The following NTSR1 variants were observed in gnomAD, a reference collection of about 807,000 sequenced individuals.
The protein encoded by NTSR1 is neurotensin receptor type 1.
In NTSR1, 29 loss-of-function variants were observed where a neutral mutation model predicts 31.2. The ratio of observed to expected loss-of-function variants is 0.93; its 90% CI spans 0.69 to 1.27. NTSR1 has a LOEUF of 1.27. Ranked by LOEUF, NTSR1 falls within the 50% of genes most tolerant of loss-of-function variation. NTSR1 has a pLI of 0.00. For synonymous variants in NTSR1, 282 were observed against 269.9 expected (o/e 1.04, Z -0.44); for missense variants, 697 against 595.4 (o/e 1.17, Z -1.78).
At chr20:62,726,483 C>T (rs1346572274) in intron 1 of NTSR1, among the ~76,000 whole-genome samples, 1 of 152,200 alleles carries the variant, frequency 6.6e-6, no homozygotes, top group Non-Finnish European at 1.5e-5. Context: ...GGCATCCCCA[C>T]TGCCTGCCCA....
chr20:62,755,812 A>C (rs1205061259), intron 2 of NTSR1, among the ~76,000 whole-genome samples: 2 of 12,756 alleles, frequency 1.6e-4, no homozygotes, highest in Non-Finnish European at 1.4e-4. Flanking sequence ...CCCTTCAGCC[A>C]TCCTCCCTCC....
intron 1 of NTSR1, among the ~76,000 whole-genome samples, chr20:62,748,951 C>T (rs980060577): frequency 1.6e-4 from 25 of 152,120 alleles, no homozygotes; most frequent in African/African-American, 5.8e-4. Flanking sequence ...TTTCACCAGT[C>T]GCATCCCCTG....
intron 1 of NTSR1, among the ~76,000 whole-genome samples, chr20:62,730,537 G>C (rs933316237): frequency 1.3e-5 from 2 of 152,218 alleles, no homozygotes. Flanking sequence ...TATGAAGAAG[G>C]CTGCTATAAA....
At chr20:62,752,412 A>AC (rs374331326) in intron 1 of NTSR1, among the ~76,000 whole-genome samples, 18 of 124,546 alleles carry the variant, frequency 1.4e-4, no homozygotes, top group African/African-American at 3.8e-4. Context: ...CATTCCCCTC[A>AC]CCCCCCAATC....
At position 62,760,477 on chromosome 20, in the gene NTSR1, T is replaced by G; in HGVS notation, c.*210T>G. Reference sequence around the variant, plus strand: ...CCTGTCCCCAACTCCTCCCCACCCCTCCCCCATCTCCTCTTTGAAAGCCAG... The same window carrying G: ...CCTGTCCCCAACTCCTCCCCACCCCGCCCCCATCTCCTCTTTGAAAGCCAG... On this transcript the variant is annotated 3_prime_UTR_variant, in exon 4 of 4. Transcript: ENST00000370501. 1.3e-5 allele frequency: 5 copies of G among 393,756 alleles called. No homozygotes were observed. Among genetic ancestry groups the G allele is most frequent in the Non-Finnish European group, 2.1e-5 (5 of 235,768 alleles). 24.4% of individuals were successfully genotyped at this position (393,756 alleles called of 1,614,324 possible).
intron 1 of NTSR1, among the ~76,000 whole-genome samples, chr20:62,739,584 C>T (rs1017065441): frequency 1.1e-4 from 16 of 152,354 alleles, no homozygotes; most frequent in African/African-American, 3.6e-4. Flanking sequence ...CGGCCTCTTC[C>T]GGTGGGTGAG....
At chr20:62,754,969 G>T (rs1285136990) in intron 2 of NTSR1, 83 bp downstream of exon 2, 1 of 1,362,672 alleles carries the variant, frequency 7.3e-7, no homozygotes, top group Non-Finnish European at 9.9e-7. Flanking sequence ...CCCAAGCCTG[G>T]GCAAGGTTTA....
At chr20:62,749,751 T>C (rs1989361028) in intron 1 of NTSR1, among the ~76,000 whole-genome samples, 1 of 152,144 alleles carries the variant, frequency 6.6e-6, no homozygotes, top group African/African-American at 2.4e-5. Flanking sequence ...GAGCTATCAC[T>C]GTACACCTGT....
rs952491787 is a variant in NTSR1, at chr20:62,733,444, C to T, written c.715-21241C>T. 1.9e-4 allele frequency among the ~76,000 whole-genome samples: 29 copies of T among 152,148 alleles called. No homozygotes were observed. Among genetic ancestry groups the T allele is most frequent in the Admixed American group, 7.8e-4 (12 of 15,288 alleles). ...TTGGGCAGGGAGCCACTGGCAGCTC[C>T]CCAGTGGGAATCGTGCCTTCTAGTC... is the stretch of plus-strand genomic sequence containing the variant. On this transcript the variant is annotated intron_variant, in intron 1 of 3. Transcript: ENST00000370501. The surrounding 1 kb of genome is among the most constrained non-coding windows in gnomAD (Gnocchi z 5.2).
intron 1 of NTSR1, among the ~76,000 whole-genome samples, chr20:62,730,551 A>G (rs1490965128): frequency 6.6e-6 from 1 of 152,232 alleles, no homozygotes; most frequent in African/African-American, 2.4e-5. Context: ...CTATAAACAT[A>G]CATGTGCAGG....
chr20:62,732,418 G>A lies in NTSR1; in HGVS notation c.715-22267G>A, dbSNP rs1989015438. On this transcript the variant is annotated intron_variant, in intron 1 of 3. Coordinates refer to ENST00000370501, the MANE Select transcript of NTSR1 (RefSeq NM_002531.3). The surrounding 1 kb of genome is among the most constrained non-coding windows in gnomAD (Gnocchi z 4.0). ...TGTTGGGTTTTGGAAAATAGTTCCT[G>A]TTGCCATGATGGATTTCGATAATCT... 1 of 152,242 alleles carries A rather than the reference G, an allele frequency of 6.6e-6. No homozygotes were observed. Among genetic ancestry groups the A allele is most frequent in the East Asian group, 1.9e-4 (1 of 5,196 alleles). The allele number at this position is 152,242 out of a possible 1,614,324, so 9.4% of individuals were successfully genotyped here. A position where few individuals can be genotyped will look rare whatever the true frequency, so the allele number is the denominator to read the frequency against.
At chr20:62,724,942 G>A (rs992447226) in intron 1 of NTSR1, among the ~76,000 whole-genome samples, 1 of 152,110 alleles carries the variant, frequency 6.6e-6, no homozygotes, top group Non-Finnish European at 1.5e-5. Context: ...GGCCCACTCC[G>A]ATCCAGGATG....
In NTSR1 at chr20:62,745,024, C is replaced by T. The variant is rs544303410; in HGVS notation, c.715-9661C>T. ...CCACCACGGCTGTCACAGCAGACAC[C>T]CCTGTCTCCCACCATGACCTTCTGC... On this transcript the variant is annotated intron_variant, in intron 1 of 3. Coordinates refer to ENST00000370501, the MANE Select transcript of NTSR1 (RefSeq NM_002531.3). The surrounding 1 kb of genome is among the most constrained non-coding windows in gnomAD (Gnocchi z 4.1). Among the ~76,000 whole-genome samples the T allele has an allele frequency of 2.0e-5, 3 of 152,308 alleles. No homozygotes were observed. The East Asian group carries it at 5.8e-4, about 29-fold the overall frequency.
intron 2 of NTSR1, among the ~76,000 whole-genome samples, chr20:62,755,322 T>C (rs1401702725): frequency 1.0e-5 from 1 of 98,926 alleles, no homozygotes; most frequent in Non-Finnish European, 2.1e-5. Flanking sequence ...CCTCCCTTCC[T>C]TCCTCCCTCC....
At position 62,762,318 on chromosome 20, in the gene NTSR1, A is replaced by C. The variant is rs1989639671; in HGVS notation, c.*2051A>C. 1 of 152,224 alleles carries C rather than the reference A, an allele frequency of 6.6e-6. No homozygotes were observed. Among genetic ancestry groups the C allele is most frequent in the Admixed American group, 6.5e-5 (1 of 15,290 alleles). 9.4% of individuals were successfully genotyped at this position (152,224 alleles called of 1,614,324 possible). On this transcript the variant is annotated 3_prime_UTR_variant, in exon 4 of 4. Coordinates refer to ENST00000370501, the MANE Select transcript of NTSR1 (RefSeq NM_002531.3). ...TCTCAGCTGGATGAGACTGTCCTGG[A>C]GGATCCACCCCGGAACAGACAGAAT...
rs1988569163 is a variant in NTSR1 at position 62,709,828 on chromosome 20, G to A, written c.621G>A (p.Met207Ile). 6.2e-7 allele frequency: 1 copy of A among 1,612,336 alleles called. No homozygotes were observed. The highest frequency in any genetic ancestry group is 8.5e-7 in the Non-Finnish European group (1 of 1,179,662). ...TGGCGGTGCCTATGCTGTTCACCAT[G>A]GGCGAGCAGAACCGCAGCGCCGACG... Reference protein sequence around the residue: ...ALLAVPMLFTMGEQNRSADGQ... With the variant: ...ALLAVPMLFTIGEQNRSADGQ... Residue 207 changes from methionine to isoleucine, a missense_variant, in exon 1 of 4, where the codon ATG (methionine) becomes ATA (isoleucine). Met to Ile is a conservative substitution (Grantham distance 10, BLOSUM62 1). Coordinates refer to ENST00000370501, the MANE Select transcript of NTSR1 (RefSeq NM_002531.3).
intron 1 of NTSR1, among the ~76,000 whole-genome samples, chr20:62,722,202 CTTAGTTGAGTAAACAACT>C (rs1280251955): frequency 6.6e-6 from 1 of 152,172 alleles, no homozygotes; most frequent in Non-Finnish European, 1.5e-5. Flanking sequence ...TGGTTTCATG[CTTAGTTGAGTAAACAACT>C]ACGGAAAGCC....
rs1026977673 is a variant in NTSR1 at position 62,742,582 on chromosome 20, T to G, written c.715-12103T>G. Among the ~76,000 whole-genome samples, 2 of 149,500 alleles carry G rather than the reference T, an allele frequency of 1.3e-5. No homozygotes were observed. The highest frequency in any genetic ancestry group is 6.7e-5 in the Admixed American group (1 of 14,864). ...ACAAGGTCACACTGGCAGTTCTTTA[T>G]GCCTTCCGTCCTCTGCTCCCCAGAC... On this transcript the variant is annotated intron_variant, in intron 1 of 3. Coordinates refer to ENST00000370501, the MANE Select transcript of NTSR1 (RefSeq NM_002531.3). The surrounding 1 kb of genome is among the most constrained non-coding windows in gnomAD (Gnocchi z 7.1).
intron 1 of NTSR1, among the ~76,000 whole-genome samples, chr20:62,717,750 T>G (rs1988757861): frequency 6.6e-6 from 1 of 152,130 alleles, no homozygotes; most frequent in African/African-American, 2.4e-5. Flanking sequence ...CTTCATTCAC[T>G]CATCATTCAT....
Sources: allele counts gnomAD v4.1 joint callset (sites outside exome capture counted in the v4.1 genomes callset), GRCh38; gene constraint gnomAD v4.1.1; non-coding constraint Gnocchi (gnomAD v3.1); transcripts MANE v1.5; gene names NCBI Gene and HGNC (gene_info 2026-07-23, HGNC 2026-07-21).